The following CADPS variants were observed in gnomAD, a reference collection of about 807,000 sequenced individuals.
CADPS encodes the protein calcium dependent secretion activator.
Under a neutral mutation model 167.3 loss-of-function variants are expected in CADPS, and 57 were observed. That is an observed-to-expected ratio of 0.34 (90% CI 0.28 to 0.42). CADPS has a LOEUF of 0.42. Among genes scored for constraint, CADPS ranks in the 20% least tolerant of loss-of-function variants. CADPS has a pLI of 1.00. For synonymous variants in CADPS, 676 were observed against 635.3 expected (o/e 1.06, Z -0.96); for missense variants, 1,414 against 1,738.1 (o/e 0.81, Z 3.32).
rs2051126449 is a variant in CADPS, at chr3:62,420,747, C to G, written c.3777+17357G>C. 6.6e-6 allele frequency among the ~76,000 whole-genome samples: 1 copy of G among 152,126 alleles called. No homozygotes were observed. Among genetic ancestry groups the G allele is most frequent in the Non-Finnish European group, 1.5e-5 (1 of 68,022 alleles). On this transcript the variant is annotated intron_variant, in intron 28 of 29. Coordinates refer to ENST00000383710, the MANE Select transcript of CADPS (RefSeq NM_003716.4). This position sits in a 1 kb window ranked among gnomAD's most constrained non-coding sequence, Gnocchi z 4.1. ...CACCATGTACAGCTGGGTTCTGCCT[C>G]CAATGGCGCCCTTTCCTCTTGCTTT...
chr3:62,632,087 C>T (rs1360696967), intron 6 of CADPS, among the ~76,000 whole-genome samples: 4 of 152,178 alleles, frequency 2.6e-5, no homozygotes, highest in Non-Finnish European at 5.9e-5. Context: ...GAACTAATAA[C>T]ACCATTTCCT....
chr3:62,562,294 C>G (rs996881451), intron 9 of CADPS, among the ~76,000 whole-genome samples: 2 of 152,090 alleles, frequency 1.3e-5, no homozygotes, highest in Non-Finnish European at 2.9e-5. Context: ...ATCCCAGACT[C>G]CTGATTGGCA....
intron 23 of CADPS, among the ~76,000 whole-genome samples, chr3:62,476,273 G>C (rs1427359180): frequency 6.6e-6 from 1 of 152,170 alleles, no homozygotes; most frequent in East Asian, 1.9e-4. Flanking sequence ...GTTCTACCAA[G>C]GAGAACAACG....
intron 1 of CADPS, among the ~76,000 whole-genome samples, chr3:62,792,451 G>A (rs560780448): frequency 4.0e-5 from 6 of 151,050 alleles, no homozygotes; most frequent in South Asian, 2.1e-4. Context: ...TAATGCTCCC[G>A]CCTCAGCCTC....
intron 1 of CADPS, among the ~76,000 whole-genome samples, chr3:62,828,295 C>G (rs1250910011): frequency 6.6e-6 from 1 of 152,152 alleles, no homozygotes; most frequent in Non-Finnish European, 1.5e-5. Context: ...CTCTTCCCAC[C>G]ATGGCACTAT....
chr3:62,516,226 A>C, intron 15 of CADPS, 44 bp from the exon 16 acceptor site: 1 of 1,609,108 alleles, frequency 6.2e-7, no homozygotes, highest in Non-Finnish European at 8.5e-7. Context: ...GTTCAAGCAA[A>C]TGTGTCACTC....
chr3:62,807,043 A>T (rs559199368), intron 1 of CADPS, among the ~76,000 whole-genome samples: 2 of 152,312 alleles, frequency 1.3e-5, no homozygotes, highest in African/African-American at 4.8e-5. Flanking sequence ...TATTTTAAAG[A>T]TAGTTTGTTT....
intron 1 of CADPS, among the ~76,000 whole-genome samples, chr3:62,825,882 G>A (rs1010540817): frequency 1.3e-5 from 2 of 152,100 alleles, no homozygotes; most frequent in African/African-American, 4.8e-5. Context: ...TCTGAGACAC[G>A]GAATCACACA....
At chr3:62,406,398 T>G (rs1011945680) in intron 28 of CADPS, among the ~76,000 whole-genome samples, 2 of 152,190 alleles carry the variant, frequency 1.3e-5, no homozygotes, top group African/African-American at 4.8e-5. Context: ...ATGCAGCAGA[T>G]TTGTTATGAT....
chr3:62,503,973 T>C (rs2066196953), intron 17 of CADPS, among the ~76,000 whole-genome samples: 1 of 152,184 alleles, frequency 6.6e-6, no homozygotes, highest in African/African-American at 2.4e-5. Context: ...AGTTTCCTTC[T>C]TGGTTTGCTT....
At chr3:62,532,599 C>T (rs556121064) in intron 13 of CADPS, among the ~76,000 whole-genome samples, 1 of 152,162 alleles carries the variant, frequency 6.6e-6, no homozygotes, top group Admixed American at 6.5e-5. Context: ...AGGGTTATTG[C>T]TAGTAAATGG....
rs1323574757 is a variant in CADPS, at chr3:62,465,489, A to T, written c.3553-39T>A. The T allele has an allele frequency of 2.8e-6, 4 of 1,409,390 alleles. No homozygotes were observed. The highest frequency in any genetic ancestry group is 4.0e-6 in the Non-Finnish European group (4 of 1,003,948). The allele number at this position is 1,409,390 out of a possible 1,614,324, so 87.3% of individuals were successfully genotyped here. On this transcript the variant is annotated intron_variant, in intron 25 of 29. Coordinates refer to ENST00000383710, the MANE Select transcript of CADPS (RefSeq NM_003716.4). The surrounding 1 kb of genome is among the most constrained non-coding windows in gnomAD (Gnocchi z 4.1). ...AAAAAAGAAAAAAATGTTATTTCAAACTATAATTGTTCACCATAAAGCACA... is the reference window on the plus strand; with the variant it reads ...AAAAAAGAAAAAAATGTTATTTCAATCTATAATTGTTCACCATAAAGCACA...
intron 4 of CADPS, among the ~76,000 whole-genome samples, chr3:62,660,285 T>C (rs2072860409): frequency 6.6e-6 from 1 of 152,156 alleles, no homozygotes; most frequent in Non-Finnish European, 1.5e-5. Context: ...AATATACTCG[T>C]TGTCTAAAAT....
intron 1 of CADPS, among the ~76,000 whole-genome samples, chr3:62,794,653 C>T (rs1252540153): frequency 6.6e-6 from 1 of 151,814 alleles, no homozygotes; most frequent in Non-Finnish European, 1.5e-5. Context: ...AAAACTATAA[C>T]AAAAACTATT....
intron 3 of CADPS, among the ~76,000 whole-genome samples, chr3:62,672,089 A>T (rs13099197): frequency 0.76 from 115,566 of 151,638 alleles, 45,082 homozygotes; most frequent in South Asian, 0.87. Flanking sequence ...CAATTTTTTT[A>T]AAACCCTCCG....
intron 8 of CADPS, among the ~76,000 whole-genome samples, chr3:62,581,766 C>CG (rs558102278): frequency 5.3e-5 from 8 of 151,918 alleles, no homozygotes; most frequent in South Asian, 4.2e-4. Flanking sequence ...ATCTGGGTGT[C>CG]GGGGGGGCAT....
In CADPS at chr3:62,406,707, G is replaced by A. The variant is rs555018276; in HGVS notation, c.3778-3522C>T. 5.3e-5 allele frequency among the ~76,000 whole-genome samples: 8 copies of A among 152,252 alleles called. No homozygotes were observed. The South Asian group carries it at 8.3e-4, about 16-fold the overall frequency. ...AGAAATAAAGCCCCCAACAGCCTGG[G>A]CACCTTTAAAATATGCCCTCTGGGG... On this transcript the variant is annotated intron_variant, in intron 28 of 29. Transcript: ENST00000383710.
At position 62,601,342 on chromosome 3, in the gene CADPS, C is replaced by G. The variant is rs2059936447; in HGVS notation, c.1326-8594G>C. Among the ~76,000 whole-genome samples the G allele has an allele frequency of 6.6e-6, 1 of 152,154 alleles. No individual in the cohort carries two copies. Among genetic ancestry groups the G allele is most frequent in the South Asian group, 2.1e-4 (1 of 4,830 alleles). ...CAATGGCAGAATTGAGTAGTTATGA[C>G]AGAGAATATAGGGCCAACAAACCGA... On this transcript the variant is annotated intron_variant, in intron 6 of 29. Coordinates refer to ENST00000383710, the MANE Select transcript of CADPS (RefSeq NM_003716.4). The surrounding 1 kb of genome is among the most constrained non-coding windows in gnomAD (Gnocchi z 4.3).
At chr3:62,536,962 C>A (rs2152044648) in intron 11 of CADPS, among the ~76,000 whole-genome samples, 1 of 152,200 alleles carries the variant, frequency 6.6e-6, no homozygotes, top group East Asian at 1.9e-4. Context: ...ATAGATTCTG[C>A]CATTCCAGTG....
Sources: allele counts gnomAD v4.1 joint callset (sites outside exome capture counted in the v4.1 genomes callset), GRCh38; gene constraint gnomAD v4.1.1; non-coding constraint Gnocchi (gnomAD v3.1); transcripts MANE v1.5; gene names NCBI Gene and HGNC (gene_info 2026-07-23, HGNC 2026-07-21).